RTL4: variants seen among roughly 807,000 people sequenced by gnomAD.
RTL4 encodes retrotransposon Gag like 4.
A neutral mutation model predicts 5.3 loss-of-function variants in RTL4; 4 were observed. That is an observed-to-expected ratio of 0.75 (90% CI 0.37 to 1.72). The LOEUF (loss-of-function observed/expected upper bound fraction) is 1.72, where lower values mean the gene tolerates loss of function less well. RTL4 is among the 40% of genes most tolerant of loss of function. The pLI is 0.04. For synonymous variants in RTL4, 98 were observed against 87.3 expected, an observed-to-expected ratio of 1.12 and a Z score of -0.68; for missense variants, 260 against 227.1, an observed-to-expected ratio of 1.14 and a Z score of -0.93.
rs754073838 is a variant in RTL4 at position 112,454,617 on chromosome X, G to T, written c.-112G>T. 1.4e-4 allele frequency: 98 copies of T among 706,993 alleles called. No homozygotes were observed. The African/African-American group carries it at 1.8e-3, about 13-fold the overall frequency. 58.3% of individuals were successfully genotyped at this position (706,993 alleles called of 1,213,427 possible). On this transcript the variant is annotated 5_prime_UTR_variant, in exon 1 of 1. Coordinates refer to ENST00000340433, the Ensembl canonical transcript of RTL4. ...GTCTTCTTCACAGCTAACAGCTTTG[G>T]CTACTTGCTCATGACACTCCGTCTC...
chrX:112,355,245 G>A, the RTL4 span, among the ~76,000 whole-genome samples: 1 of 110,882 alleles, frequency 9.0e-6, no homozygotes, highest in Non-Finnish European at 1.9e-5. Flanking sequence ...TGACAAAGTA[G>A]GCATTTTTAA....
At chrX:112,171,810 C>T in the RTL4 span, among the ~76,000 whole-genome samples, 5 of 112,072 alleles carry the variant, frequency 4.5e-5, no homozygotes, top group Admixed American at 9.5e-5. Context: ...GCAAAGATTT[C>T]ATGATGAAAA....
the RTL4 span, among the ~76,000 whole-genome samples, chrX:112,113,885 G>A: frequency 9.8e-5 from 11 of 111,745 alleles, no homozygotes; most frequent in Non-Finnish European, 2.1e-4. Context: ...GACTTAGGCT[G>A]CAGCCTTTCT....
chrX:112,135,794 T>C, the RTL4 span, among the ~76,000 whole-genome samples: 1 of 109,655 alleles, frequency 9.1e-6, no homozygotes, highest in African/African-American at 3.3e-5. Context: ...CTTTTGACTC[T>C]TTGCCAAAAA....
At chrX:112,364,259 T>C in the RTL4 span, among the ~76,000 whole-genome samples, 1,683 of 111,581 alleles carry the variant, frequency 0.015, 35 homozygotes, top group African/African-American at 0.052. Context: ...GAGGCCATTG[T>C]TTAGGTGACT....
chrX:112,176,008 G>C, the RTL4 span, among the ~76,000 whole-genome samples: 1 of 110,563 alleles, frequency 9.0e-6, no homozygotes, highest in African/African-American at 3.3e-5. Context: ...ATCTCCTTAA[G>C]CTGATAAGCA....
At chrX:112,202,585 G>C in the RTL4 span, among the ~76,000 whole-genome samples, 1 of 104,968 alleles carries the variant, frequency 9.5e-6, no homozygotes, top group African/African-American at 3.5e-5. Context: ...TTATGAGACA[G>C]AGCCTCACTC....
upstream of RTL4, among the ~76,000 whole-genome samples, chrX:112,452,846 A>G (rs1926764591): frequency 9.0e-6 from 1 of 110,824 alleles, no homozygotes; most frequent in Non-Finnish European, 1.9e-5. Context: ...AGCCTGGCCA[A>G]CATGGTGAAA....
chrX:112,376,963 T>C, the RTL4 span, among the ~76,000 whole-genome samples: 1 of 112,371 alleles, frequency 8.9e-6, no homozygotes, highest in Non-Finnish European at 1.9e-5. Flanking sequence ...TGATGTCATG[T>C]TAATCAGACA....
At chrX:112,349,938 T>A in the RTL4 span, among the ~76,000 whole-genome samples, 1 of 110,629 alleles carries the variant, frequency 9.0e-6, no homozygotes, top group Non-Finnish European at 1.9e-5. Flanking sequence ...CCCTGCCTTG[T>A]GCCAGTTTTC....
At chrX:112,303,658 A>G in the RTL4 span, among the ~76,000 whole-genome samples, 2 of 93,977 alleles carry the variant, frequency 2.1e-5, no homozygotes, top group South Asian at 5.4e-4. Flanking sequence ...CCTAATGCTA[A>G]ATGATGAGTT....
the RTL4 span, among the ~76,000 whole-genome samples, chrX:112,341,221 G>A: frequency 7.3e-5 from 8 of 110,116 alleles, no homozygotes; most frequent in Non-Finnish European, 7.6e-5. Flanking sequence ...CAAAGTTAGC[G>A]GTAGGAAGGA....
At chrX:112,416,660 G>A in the RTL4 span, among the ~76,000 whole-genome samples, 1 of 112,244 alleles carries the variant, frequency 8.9e-6, no homozygotes, top group Non-Finnish European at 1.9e-5. Flanking sequence ...GCAAGGCTTA[G>A]GTTGAGGAAG....
the RTL4 span, among the ~76,000 whole-genome samples, chrX:112,119,997 A>G: frequency 2.7e-5 from 3 of 112,268 alleles, no homozygotes; most frequent in South Asian, 1.1e-3. Flanking sequence ...ACATGTTTTC[A>G]TAGCATTTCT....
At chrX:112,349,033 G>A in the RTL4 span, among the ~76,000 whole-genome samples, 196 of 110,858 alleles carry the variant, frequency 1.8e-3, no homozygotes, top group African/African-American at 6.0e-3. Flanking sequence ...TAGAAATGAG[G>A]AAGTTGAATG....
the RTL4 span, among the ~76,000 whole-genome samples, chrX:112,310,466 A>ATTTC: frequency 9.9e-5 from 1 of 10,141 alleles, no homozygotes; most frequent in Non-Finnish European, 3.7e-4. Context: ...ATATAGAAAT[A>ATTTC]TATATAATAT....
chrX:112,246,038 C>T, the RTL4 span, among the ~76,000 whole-genome samples: 1 of 112,489 alleles, frequency 8.9e-6, no homozygotes, highest in African/African-American at 3.2e-5. Context: ...AGCTGCAGAG[C>T]AGCAAATATT....
At chrX:112,306,987 TTG>T in the RTL4 span, among the ~76,000 whole-genome samples, 23,777 of 109,823 alleles carry the variant, frequency 0.22, 2,076 homozygotes, top group Admixed American at 0.33. Flanking sequence ...GTTAGAAACC[TTG>T]TGTGTGTATG....
chrX:112,252,523 G>A, the RTL4 span, among the ~76,000 whole-genome samples: 1 of 111,594 alleles, frequency 9.0e-6, no homozygotes, highest in Non-Finnish European at 1.9e-5. Context: ...GTGGAGGGTG[G>A]AGTTTGAGCA....
Sources: gnomAD v4.1 joint callset for allele counts (sites outside exome capture counted in the v4.1 genomes callset) on GRCh38, gnomAD v4.1.1 for gene constraint, MANE v1.5 for transcripts, NCBI Gene and HGNC (gene_info 2026-07-23, HGNC 2026-07-21) for gene names.